CMTR1: variants seen among roughly 807,000 people sequenced by gnomAD.
The protein encoded by CMTR1 is cap methyltransferase 1, also known as cap-specific mRNA (nucleoside-2'-O-)-methyltransferase 1.
In CMTR1, 39 loss-of-function variants were observed where a neutral mutation model predicts 107.0. The observed-to-expected ratio is 0.36, with a 90% confidence interval of 0.28 to 0.48. CMTR1 has a LOEUF of 0.48. Ranked by LOEUF, CMTR1 falls within the 20% of genes least tolerant of loss-of-function variation. The pLI is 0.99. For missense variants in CMTR1, 672 were observed against 1,064.9 expected, an observed-to-expected ratio of 0.63 and a Z score of 5.14; for synonymous variants, 366 against 379.5, an observed-to-expected ratio of 0.96 and a Z score of 0.41.
intron 8 of CMTR1, among the ~76,000 whole-genome samples, chr6:37,454,021 G>A (rs6457987): frequency 0.042 from 6,362 of 152,268 alleles, 417 homozygotes; most frequent in African/African-American, 0.14. Flanking sequence ...GTAAAGCAAA[G>A]TGAGTTTCTA....
chr6:37,467,225 C>T (rs1761528563), intron 13 of CMTR1, among the ~76,000 whole-genome samples: 2 of 152,132 alleles, frequency 1.3e-5, no homozygotes, highest in African/African-American at 4.8e-5. Context: ...TTTAATTAAC[C>T]TATGGCTCAT....
intron 18 of CMTR1, among the ~76,000 whole-genome samples, 186 bp from the exon 19 acceptor site, chr6:37,475,135 G>C (rs1368364351): frequency 2.0e-5 from 3 of 152,216 alleles, no homozygotes; most frequent in Non-Finnish European, 4.4e-5. Context: ...ATCTTACCCT[G>C]CTCAGAAGCC....
chr6:37,431,000 A>G (rs1035078064), upstream of CMTR1, among the ~76,000 whole-genome samples: 14 of 147,612 alleles, frequency 9.5e-5, no homozygotes, highest in East Asian at 5.9e-4. Context: ...GTGACAGAGC[A>G]AGACTCCGTC....
intron 20 of CMTR1, 26 bp downstream of exon 20, chr6:37,476,220 T>C (rs1216018773): frequency 6.2e-7 from 1 of 1,612,648 alleles, no homozygotes; most frequent in Admixed American, 1.7e-5. Context: ...CTACCCTCCA[T>C]GCTTCTTTCT....
chr6:37,478,324 G>A (rs1761781120), intron 21 of CMTR1, 85 bp from the exon 22 acceptor site: 1 of 1,045,468 alleles, frequency 9.6e-7, no homozygotes, highest in Non-Finnish European at 1.5e-6. Context: ...AGATACTGCA[G>A]TTGGGGTGAT....
intron 1 of CMTR1, among the ~76,000 whole-genome samples, chr6:37,434,270 TC>T (rs1270200169): frequency 1.3e-5 from 2 of 152,154 alleles, no homozygotes; most frequent in Non-Finnish European, 2.9e-5. Flanking sequence ...GATTGGCTCT[TC>T]CTTGAGTTGG....
At chr6:37,479,067 G>T (rs554913472) in intron 22 of CMTR1, 80 bp from the exon 23 acceptor site, 11 of 949,378 alleles carry the variant, frequency 1.2e-5, no homozygotes, top group African/African-American at 9.8e-5. Flanking sequence ...AGGACCACCG[G>T]GAGTGGAGGA....
Position 37,435,713 on chromosome 6 carries a change from C to T in CMTR1, c.84C>T (p.Ser28=), listed in dbSNP as rs1192566195. 4 of 1,602,988 alleles carry T rather than the reference C, an allele frequency of 2.5e-6. No homozygotes were observed. The highest frequency in any genetic ancestry group is 3.4e-6 in the Non-Finnish European group (4 of 1,175,868). ...TTGCAGAGCTTGCCCTGAGCCTCAG[C>T]TCCACGTCCGATGATGAACCTCCCT... ...KRVAELALSL[S]STSDDEPPSS... is the part of the protein sequence containing the mutation. The change falls in exon 2 of 24, where the codon AGC becomes AGT. Residue 28 remains serine (S), a synonymous_variant. Coordinates refer to ENST00000373451, the MANE Select transcript of CMTR1 (RefSeq NM_015050.3).
intron 2 of CMTR1, among the ~76,000 whole-genome samples, chr6:37,441,483 C>T (rs565634907): frequency 4.6e-5 from 7 of 151,300 alleles, no homozygotes; most frequent in Non-Finnish European, 8.8e-5. Context: ...GGCTCGATCT[C>T]GGCTCACCGC....
intron 13 of CMTR1, among the ~76,000 whole-genome samples, chr6:37,469,365 T>C (rs1041816108): frequency 2.0e-5 from 3 of 152,002 alleles, no homozygotes; most frequent in Non-Finnish European, 4.4e-5. Context: ...TAATATTTTA[T>C]CTGTTATTTT....
chr6:37,450,416 T>A, intron 5 of CMTR1, 73 bp downstream of exon 5: 1 of 1,097,332 alleles, frequency 9.1e-7, no homozygotes, highest in Non-Finnish European at 1.4e-6. Flanking sequence ...GTCTGGTATT[T>A]ACATACACTT....
At chr6:37,477,118 G>A (rs1224340328) in intron 20 of CMTR1, among the ~76,000 whole-genome samples, 1 of 152,194 alleles carries the variant, frequency 6.6e-6, no homozygotes, top group African/African-American at 2.4e-5. Context: ...CTGCATTCTT[G>A]TTAGGGTTTC....
In CMTR1 at chr6:37,470,381, C is replaced by T. The variant is rs1030527572; in HGVS notation, c.1506-640C>T. On this transcript the variant is annotated intron_variant, in intron 13 of 23. Transcript: ENST00000373451. ...CAGGATGGTCTTGATCTCCTGACCTCGTGATCCGCCCGCCTCAGCCTCCCA... is the reference window on the plus strand; with the variant it reads ...CAGGATGGTCTTGATCTCCTGACCTTGTGATCCGCCCGCCTCAGCCTCCCA... Among the ~76,000 whole-genome samples, 10 of 151,820 alleles carry T rather than the reference C, an allele frequency of 6.6e-5. No individual in the cohort carries two copies. In the South Asian group the frequency reaches 1.7e-3, roughly 25 times the overall value.
Position 37,471,778 on chromosome 6 carries a change from G to A in CMTR1, c.1563-69G>A, listed in dbSNP as rs1029309829. The stretch of plus-strand genomic sequence containing the variant: ...TTCAGGCCTCCTCTCTATGGGATAT[G>A]AGGGGTGCACAGGGGGCACTCCTGT... On this transcript the variant is annotated intron_variant, in intron 14 of 23. Transcript: ENST00000373451. The A allele has an allele frequency of 5.8e-6, 8 of 1,389,182 alleles. No homozygotes were observed. In the Admixed American group the frequency reaches 6.9e-5, roughly 12 times the overall value. The allele number at this position is 1,389,182 out of a possible 1,614,324, so 86.1% of individuals were successfully genotyped here.
intron 13 of CMTR1, among the ~76,000 whole-genome samples, chr6:37,464,262 G>A (rs532608427): frequency 3.8e-4 from 58 of 151,962 alleles, no homozygotes; most frequent in African/African-American, 1.3e-3. Context: ...TCCGGAGATC[G>A]AGACCATCCT....
chr6:37,481,194 G>T lies in CMTR1; in HGVS notation c.*1049G>T, dbSNP rs1761848947. On this transcript the variant is annotated 3_prime_UTR_variant, in exon 24 of 24. Transcript: ENST00000373451. Reference sequence around the variant, plus strand: ...TTTATCTTGGCCGACAACACAGAGAGGAGGGGGAGCTGGGCAGTAGCTTGG... The same window carrying T: ...TTTATCTTGGCCGACAACACAGAGATGAGGGGGAGCTGGGCAGTAGCTTGG... The T allele has an allele frequency of 7.7e-7, 1 of 1,303,676 alleles. No individual in the cohort carries two copies. Among genetic ancestry groups the T allele is most frequent in the Non-Finnish European group, 1.0e-6 (1 of 988,790 alleles). The allele number at this position is 1,303,676 out of a possible 1,614,324, so 80.8% of individuals were successfully genotyped here.
intron 2 of CMTR1, among the ~76,000 whole-genome samples, chr6:37,443,617 T>A (rs569511165): frequency 6.6e-6 from 1 of 152,314 alleles, no homozygotes; most frequent in South Asian, 2.1e-4. Flanking sequence ...AGCGTCCTCC[T>A]GGAGTACTGG....
intron 10 of CMTR1, among the ~76,000 whole-genome samples, chr6:37,460,324 G>A (rs1761376956): frequency 6.6e-6 from 1 of 152,216 alleles, no homozygotes; most frequent in Non-Finnish European, 1.5e-5. Context: ...ATCCAAAGAT[G>A]CCTAGGCTCA....
At chr6:37,471,702 G>A (rs1242105851) in intron 14 of CMTR1, 145 bp from the exon 15 acceptor site, 2 of 625,506 alleles carry the variant, frequency 3.2e-6, no homozygotes, top group South Asian at 2.2e-5. Context: ...TTGTAATCAC[G>A]CTGGGCCAGT....
Sources: gnomAD v4.1 joint callset for allele counts (sites outside exome capture counted in the v4.1 genomes callset) on GRCh38, gnomAD v4.1.1 for gene constraint, MANE v1.5 for transcripts, NCBI Gene and HGNC (gene_info 2026-07-23, HGNC 2026-07-21) for gene names.